IHO1: variants seen among roughly 807,000 people sequenced by gnomAD.
IHO1 encodes the protein interactor of HORMAD1 1.
Under a neutral mutation model 31.0 loss-of-function variants are expected in IHO1, and 13 were observed. That is an observed-to-expected ratio of 0.42 (90% CI 0.27 to 0.67). IHO1 has a LOEUF of 0.67. Among genes scored for constraint, IHO1 ranks in the 30% least tolerant of loss-of-function variants. The probability of loss-of-function intolerance (pLI) is 0.24; values close to 1 mark genes in which losing one functional copy is unlikely to be tolerated. For synonymous variants in IHO1, 221 were observed against 248.4 expected, an observed-to-expected ratio of 0.89 and a Z score of 1.04; for missense variants, 599 against 687.5, an observed-to-expected ratio of 0.87 and a Z score of 1.44.
intron 2 of IHO1, among the ~76,000 whole-genome samples, chr3:49,232,513 C>T (rs964601658): frequency 2.6e-5 from 4 of 152,246 alleles, no homozygotes; most frequent in Admixed American, 6.5e-5. Flanking sequence ...TTCTCCAAGA[C>T]GGAATCAACA....
chr3:49,225,940 T>C (rs1032618504), intron 2 of IHO1, among the ~76,000 whole-genome samples: 6 of 152,146 alleles, frequency 3.9e-5, no homozygotes, highest in African/African-American at 1.4e-4. Flanking sequence ...GTCCTGTTGT[T>C]GGATCATCTG....
chr3:49,194,306 A>G (rs1436317314), upstream of IHO1, among the ~76,000 whole-genome samples: 3 of 118,234 alleles, frequency 2.5e-5, no homozygotes, highest in Non-Finnish European at 5.6e-5. Context: ...ATATATATAT[A>G]TATATATATA....
chr3:49,227,734 G>T (rs2046433411), intron 2 of IHO1, among the ~76,000 whole-genome samples: 1 of 152,140 alleles, frequency 6.6e-6, no homozygotes, highest in Admixed American at 6.6e-5. Context: ...CCCCCAAAAT[G>T]AAATGGAGGG....
At chr3:49,197,409 C>T (rs1046056117), upstream of IHO1, among the ~76,000 whole-genome samples, 1 of 152,140 alleles carries the variant, frequency 6.6e-6, no homozygotes, top group Non-Finnish European at 1.5e-5. Flanking sequence ...GATCCTCCCA[C>T]CTTGGCCTCC....
intron 1 of IHO1, among the ~76,000 whole-genome samples, chr3:49,202,579 T>C (rs1251945330): frequency 1.3e-5 from 2 of 151,312 alleles, no homozygotes; most frequent in African/African-American, 4.9e-5. Flanking sequence ...GGTTTCACCG[T>C]GTTAGCCAGG....
intron 5 of IHO1, 74 bp downstream of exon 5, chr3:49,244,526 TTTAG>T: frequency 1.5e-6 from 2 of 1,291,740 alleles, no homozygotes; most frequent in Non-Finnish European, 2.2e-6. Context: ...TTGTATTGGC[TTTAG>T]TTAATGTAGA....
intron 4 of IHO1, among the ~76,000 whole-genome samples, chr3:49,241,920 C>CATT (rs566400386): frequency 3.2e-4 from 48 of 151,120 alleles, no homozygotes; most frequent in Non-Finnish European, 1.6e-4. Context: ...TGTGCCTGGC[C>CATT]ATTATTATTA....
intron 2 of IHO1, among the ~76,000 whole-genome samples, chr3:49,224,923 G>A (rs545546234): frequency 2.0e-5 from 3 of 152,146 alleles, no homozygotes; most frequent in East Asian, 3.9e-4. Context: ...TTGTCTGATA[G>A]CGATAAACTT....
At position 49,256,146 on chromosome 3, in the gene IHO1, T is replaced by A. The variant is rs749792097; in HGVS notation, c.649T>A (p.Phe217Ile). The change falls in exon 8 of 8, where the codon TTT becomes ATT. Residue 217 changes from phenylalanine to isoleucine, a missense_variant. By Grantham distance (21) the Phe-to-Ile change is conservative. Transcript: ENST00000452691. This position sits in a 1 kb window ranked among gnomAD's most constrained non-coding sequence, Gnocchi z 4.6. ...CCTCTCTCCCCAGAGACAAGGAGAG[T>A]TTATAGAAATGAAGTCCAACCTGAA... ...KKRFEARQGEFIEMKSNLKHL... is the reference protein window; with the variant it reads ...KKRFEARQGEIIEMKSNLKHL... 4 of 1,607,752 alleles carry A rather than the reference T, an allele frequency of 2.5e-6. No homozygotes were observed. The highest frequency in any genetic ancestry group is 3.4e-5 in the Admixed American group (2 of 59,042).
At position 49,212,657 on chromosome 3, in the gene IHO1, G is replaced by A. The variant is rs552161463; in HGVS notation, c.56+821G>A. ...GGTGAGTGTTACAGTTCTTAAAAGC[G>A]GCATGTCCAGAGTTTGTTCCTTCTG... On this transcript the variant is annotated intron_variant, in intron 2 of 7. Transcript: ENST00000452691. 7.2e-5 allele frequency among the ~76,000 whole-genome samples: 11 copies of A among 152,170 alleles called. No homozygotes were observed. The South Asian group carries it at 8.3e-4, about 11-fold the overall frequency.
chr3:49,256,013 G>C lies in IHO1; in HGVS notation c.637-121G>C. 1.2e-6 allele frequency: 1 copy of C among 833,184 alleles called. No homozygotes were observed. The allele number at this position is 833,184 out of a possible 1,614,324, so 51.6% of individuals were successfully genotyped here. A position where few individuals can be genotyped will look rare whatever the true frequency, so the allele number is the denominator to read the frequency against. ...GAGTGTAATTGTGCTTACCCTGAGA[G>C]GTTCCCTACAAGGAGCAAGCCTTGG... On this transcript the variant is annotated intron_variant, in intron 7 of 7. Coordinates refer to ENST00000452691, the MANE Select transcript of IHO1 (RefSeq NM_001135197.2). The surrounding 1 kb of genome is among the most constrained non-coding windows in gnomAD (Gnocchi z 4.6).
intron 2 of IHO1, among the ~76,000 whole-genome samples, chr3:49,236,304 CA>C (rs2046558922): frequency 6.6e-6 from 1 of 152,198 alleles, no homozygotes; most frequent in African/African-American, 2.4e-5. Context: ...TGCTGTTATA[CA>C]AAGAATGATG....
intron 1 of IHO1, among the ~76,000 whole-genome samples, chr3:49,200,333 C>T (rs180886795): frequency 1.3e-5 from 2 of 151,642 alleles, no homozygotes; most frequent in Admixed American, 6.6e-5. Flanking sequence ...GGCGTGGTGG[C>T]GCATGCCTGT....
chr3:49,205,344 T>C (rs1263480482), intron 1 of IHO1, among the ~76,000 whole-genome samples: 3 of 151,976 alleles, frequency 2.0e-5, no homozygotes, highest in African/African-American at 7.2e-5. Flanking sequence ...TTTTTTTTTT[T>C]TTGAGACACT....
intron 4 of IHO1, 125 bp from the exon 5 acceptor site, chr3:49,244,279 A>G: frequency 1.5e-6 from 1 of 676,832 alleles, no homozygotes. Context: ...AAGTCTTCAG[A>G]TCTAATCAAG....
At position 49,254,290 on chromosome 3, in the gene IHO1, A is replaced by ATG. The variant is rs142967106; in HGVS notation, c.533-1083_533-1082dup. ...TGCAACACAATGTGTCATTAAATAA[A>ATG]TGTGTGTGTGTGTGTGTGCATGCAG... On this transcript the variant is annotated intron_variant, in intron 6 of 7. Coordinates refer to ENST00000452691, the MANE Select transcript of IHO1 (RefSeq NM_001135197.2). 3.9e-3 allele frequency among the ~76,000 whole-genome samples: 583 copies of ATG among 150,846 alleles called. 4 individuals carry two copies. The highest frequency in any genetic ancestry group is 0.011 in the African/African-American group (465 of 41,286).
intron 1 of IHO1, among the ~76,000 whole-genome samples, chr3:49,201,695 T>A (rs1390451982): frequency 6.6e-6 from 1 of 151,998 alleles, no homozygotes; most frequent in African/African-American, 2.4e-5. Flanking sequence ...GGCGGGTGAA[T>A]CACTTGAGCT....
In IHO1 at chr3:49,250,886, C is replaced by T. The variant is rs1029539949; in HGVS notation, c.533-4504C>T. Among the ~76,000 whole-genome samples, 13 of 151,884 alleles carry T rather than the reference C, an allele frequency of 8.6e-5. 1 individual carries two copies. Among genetic ancestry groups the T allele is most frequent in the South Asian group, 4.2e-4 (2 of 4,804 alleles). ...CTCTACTACAAATACAAAAATTAGCCGGGCGTGGTGGCGCATGCCTCCAGC... is the reference window on the plus strand; with the variant it reads ...CTCTACTACAAATACAAAAATTAGCTGGGCGTGGTGGCGCATGCCTCCAGC... On this transcript the variant is annotated intron_variant, in intron 6 of 7. Transcript: ENST00000452691.
In IHO1 at chr3:49,201,883, A is replaced by G. The variant is rs76152679; in HGVS notation, c.-16+2310A>G. Among the ~76,000 whole-genome samples, 133 of 152,302 alleles carry G rather than the reference A, an allele frequency of 8.7e-4. 2 individuals are homozygous for G. In the East Asian group the frequency reaches 0.022, roughly 25 times the overall value. On this transcript the variant is annotated intron_variant, in intron 1 of 7. Transcript: ENST00000452691. ...TAGTGAGCCAAGATCGCAACATTGC[A>G]CTCCAACCTGGTTAATAGAGTGAAG... is the stretch of plus-strand genomic sequence containing the variant.
Sources: gnomAD v4.1 joint callset for allele counts (sites outside exome capture counted in the v4.1 genomes callset) on GRCh38, gnomAD v4.1.1 for gene constraint, Gnocchi (gnomAD v3.1) non-coding constraint, MANE v1.5 for transcripts, NCBI Gene and HGNC (gene_info 2026-07-23, HGNC 2026-07-21) for gene names.